Variants in SNRNP200 observed in about 807,000 individuals in gnomAD.
SNRNP200 encodes the protein U5 small nuclear ribonucleoprotein 200 kDa helicase.
Under a neutral mutation model 255.2 loss-of-function variants are expected in SNRNP200, and 66 were observed. The ratio of observed to expected loss-of-function variants is 0.26; its 90% confidence interval spans 0.21 to 0.32. SNRNP200 has a LOEUF of 0.32. SNRNP200 is among the 10% of genes least tolerant of loss of function. The pLI is 1.00. For synonymous variants in SNRNP200, 939 were observed against 1,027.8 expected (o/e 0.91, Z 1.65); for missense variants, 1,585 against 2,749.8 (o/e 0.58, Z 9.47).
At position 96,291,265 on chromosome 2, in the gene SNRNP200, C is replaced by T. The variant is rs555146691; in HGVS notation, c.2421+127G>A. On this transcript the variant is annotated intron_variant, in intron 18 of 44. Transcript: ENST00000323853. The surrounding 1 kb of genome is among the most constrained non-coding windows in gnomAD (Gnocchi z 4.2). ...GTTCTATTTATTGTGTCCACCACAA[C>T]CCTCTGACCTGGGCTAGCTGGGCCA... The T allele has an allele frequency of 7.9e-5, 61 of 770,712 alleles. No individual in the cohort carries two copies. In the East Asian group the frequency reaches 1.0e-3, roughly 13 times the overall value. 47.7% of individuals were successfully genotyped at this position (770,712 alleles called of 1,614,324 possible).
chr2:96,298,122 A>G (rs181214786), intron 9 of SNRNP200, among the ~76,000 whole-genome samples, 162 bp downstream of exon 9: 14 of 152,366 alleles, frequency 9.2e-5, no homozygotes, highest in Admixed American at 6.5e-4. Flanking sequence ...GACCAAACCA[A>G]TGTGGATGTG....
chr2:96,289,195 A>C, intron 22 of SNRNP200, 32 bp downstream of exon 22: 1 of 1,613,840 alleles, frequency 6.2e-7, no homozygotes, highest in African/African-American at 1.3e-5. Context: ...GTGAGCACCA[A>C]CTCCCCGCCC....
In SNRNP200 at chr2:96,277,441, T is replaced by G. The variant is rs1216694360; in HGVS notation, c.5931+98A>C. 2.0e-6 allele frequency: 3 copies of G among 1,469,666 alleles called. No homozygotes were observed. The East Asian group carries it at 6.8e-5, about 33-fold the overall frequency. 91.0% of individuals were successfully genotyped at this position (1,469,666 alleles called of 1,614,324 possible). A position where few individuals can be genotyped will look rare whatever the true frequency, so the allele number is the denominator to read the frequency against. Reference sequence around the variant, plus strand: ...CCTTCGGAGGAACCATAACTAAAAGTTTAACTTACTGAGACTCACCTCCCG... The same window carrying G: ...CCTTCGGAGGAACCATAACTAAAAGGTTAACTTACTGAGACTCACCTCCCG... On this transcript the variant is annotated intron_variant, in intron 41 of 44. Transcript: ENST00000323853. The surrounding 1 kb of genome is among the most constrained non-coding windows in gnomAD (Gnocchi z 4.4).
At position 96,290,825 on chromosome 2, in the gene SNRNP200, C is replaced by A. The variant is rs760188260; in HGVS notation, c.2422-10G>T. 2.6e-5 allele frequency: 42 copies of A among 1,613,948 alleles called. No individual in the cohort carries two copies. Among genetic ancestry groups the A allele is most frequent in the Non-Finnish European group, 3.5e-5 (41 of 1,179,984 alleles). On this transcript the variant is annotated splice_polypyrimidine_tract_variant and intron_variant, in intron 18 of 44. Transcript: ENST00000323853. This position sits in a 1 kb window ranked among gnomAD's most constrained non-coding sequence, Gnocchi z 4.5. The stretch of plus-strand genomic sequence containing the variant: ...CTGTGGAAACTAAAACCTACAGAGG[C>A]AAAACAAGGTAATGAGGAGAACAGA...
At position 96,284,591 on chromosome 2, in the gene SNRNP200, G is replaced by A. The variant is rs372471318; in HGVS notation, c.4165-6C>T. The A allele has an allele frequency of 1.3e-4, 205 of 1,601,438 alleles. No individual in the cohort carries two copies. In the African/African-American group the frequency reaches 1.9e-3, roughly 15 times the overall value. On this transcript the variant is annotated splice_region_variant and splice_polypyrimidine_tract_variant and intron_variant, in intron 30 of 44. Coordinates refer to ENST00000323853, the MANE Select transcript of SNRNP200 (RefSeq NM_014014.5). ...TCGTACCAGTCCATGTATACCTGGC[G>A]GGCAGAGGAGGGAGGCAGAACAACA... is the stretch of plus-strand genomic sequence containing the variant.
chr2:96,299,992 T>C (rs969915033), intron 5 of SNRNP200, among the ~76,000 whole-genome samples: 1 of 152,198 alleles, frequency 6.6e-6, no homozygotes, highest in Non-Finnish European at 1.5e-5. Flanking sequence ...AATCACCTAT[T>C]GAAATGGCCT....
chr2:96,295,420 G>T (rs766743536), intron 14 of SNRNP200, 68 bp downstream of exon 14: 12 of 1,582,514 alleles, frequency 7.6e-6, no homozygotes, highest in African/African-American at 1.3e-5. Context: ...GAAACATTTC[G>T]CATGAAAACC....
At position 96,301,780 on chromosome 2, in the gene SNRNP200, T is replaced by C. The variant is rs1050372021; in HGVS notation, c.382-64A>G. The C allele has an allele frequency of 5.1e-6, 8 of 1,576,966 alleles. No individual in the cohort carries two copies. In the East Asian group the frequency reaches 1.8e-4, roughly 35 times the overall value. ...GACAGGCAAAACATCTTCAACCAGG[T>C]GTATGTGGCGGCAGGATGTGAAGAG... On this transcript the variant is annotated intron_variant, in intron 3 of 44. Transcript: ENST00000323853.
chr2:96,284,727 C>A, intron 30 of SNRNP200, 142 bp from the exon 31 acceptor site: 1 of 683,480 alleles, frequency 1.5e-6, no homozygotes. Flanking sequence ...AGCCTCTATG[C>A]GATGCGATGG....
At chr2:96,275,375 T>G (rs1684637261) in intron 43 of SNRNP200, 26 bp from the exon 44 acceptor site, 9 of 1,605,292 alleles carry the variant, frequency 5.6e-6, no homozygotes, top group Non-Finnish European at 7.7e-6. Flanking sequence ...ACCAAGAATT[T>G]CAGCATGTAA....
At chr2:96,296,766 T>G in intron 12 of SNRNP200, 75 bp from the exon 13 acceptor site, 2 of 1,577,904 alleles carry the variant, frequency 1.3e-6, no homozygotes, top group African/African-American at 1.3e-5. Context: ...TGGGCTTATT[T>G]CCCAAATAGA....
intron 13 of SNRNP200, 74 bp from the exon 14 acceptor site, chr2:96,295,732 G>A: frequency 1.3e-6 from 2 of 1,510,700 alleles, no homozygotes; most frequent in Non-Finnish European, 1.8e-6. Context: ...TTGGGCAATT[G>A]GAGTGTAGGG....
Position 96,283,798 on chromosome 2 carries a change from G to A in SNRNP200, c.4584+15C>T. Reference sequence around the variant, plus strand: ...ATGTGACACCCCACAGACGGATGAGGAGAGTGGGTCCTACCTGGATGTGCA... The same window carrying A: ...ATGTGACACCCCACAGACGGATGAGAAGAGTGGGTCCTACCTGGATGTGCA... On this transcript the variant is annotated intron_variant, in intron 32 of 44. Transcript: ENST00000323853. This position sits in a 1 kb window ranked among gnomAD's most constrained non-coding sequence, Gnocchi z 4.7. 6.2e-7 allele frequency: 1 copy of A among 1,613,728 alleles called. No individual in the cohort carries two copies. The highest frequency in any genetic ancestry group is 1.7e-5 in the Admixed American group (1 of 59,952).
rs2104352392 is a variant in SNRNP200, at chr2:96,293,364, G to A, written c.1988C>T (p.Thr663Ile). 1 of 1,614,064 alleles carries A rather than the reference G, an allele frequency of 6.2e-7. No homozygotes were observed. Among genetic ancestry groups the A allele is most frequent in the East Asian group, 2.2e-5 (1 of 44,900 alleles). The change falls in exon 15 of 45, where the codon ACC becomes ATC. Residue 663 changes from threonine to isoleucine, a missense_variant. Transcript: ENST00000323853. ...ATLPNYEDVATFLRVDPAKGL... is the reference protein window; with the variant it reads ...ATLPNYEDVAIFLRVDPAKGL... ...CTTGGCAGGGTCAACACGTAGAAAG[G>A]TGGCTACATCTTCATAGTTGGGTAG...
At chr2:96,275,429 AAG>A (rs1238536339) in intron 43 of SNRNP200, 80 bp from the exon 44 acceptor site, 4 of 1,180,850 alleles carry the variant, frequency 3.4e-6, no homozygotes, top group Non-Finnish European at 3.8e-6. Context: ...ACAGTTACAA[AAG>A]AGAGAACAAA....
In SNRNP200 at chr2:96,274,977, A is replaced by C; in HGVS notation, c.*35T>G. On this transcript the variant is annotated 3_prime_UTR_variant, in exon 45 of 45. Transcript: ENST00000323853. ...ATGTACACATTCCTAATTCAGGCTC[A>C]ACTCTCCTTTACCCAAAAGTAAATG... is the stretch of plus-strand genomic sequence containing the variant. 6.2e-7 allele frequency: 1 copy of C among 1,611,968 alleles called. No individual in the cohort carries two copies. Among genetic ancestry groups the C allele is most frequent in the Non-Finnish European group, 8.5e-7 (1 of 1,179,272 alleles).
In SNRNP200 at chr2:96,274,701, C is replaced by CT. The variant is rs994411639; in HGVS notation, c.*310dup. Reference sequence around the variant, plus strand: ...GTGCCCTCAGGTTGGAGAAAGAAAACTTTTAATTTGGAATCACTACAAAGA... The same window carrying CT: ...GTGCCCTCAGGTTGGAGAAAGAAAACTTTTTAATTTGGAATCACTACAAAGA... On this transcript the variant is annotated 3_prime_UTR_variant, in exon 45 of 45. Coordinates refer to ENST00000323853, the MANE Select transcript of SNRNP200 (RefSeq NM_014014.5). 2 of 403,846 alleles carry CT rather than the reference C, an allele frequency of 5.0e-6. No homozygotes were observed. The highest frequency in any genetic ancestry group is 4.1e-5 in the African/African-American group (2 of 49,010). 25.0% of individuals were successfully genotyped at this position (403,846 alleles called of 1,614,324 possible). A position where few individuals can be genotyped will look rare whatever the true frequency, so the allele number is the denominator to read the frequency against.
chr2:96,282,044 C>A (rs1446229792), intron 34 of SNRNP200, 122 bp from the exon 35 acceptor site: 2 of 735,858 alleles, frequency 2.7e-6, no homozygotes, highest in African/African-American at 3.5e-5. Flanking sequence ...GCAAGGCTGG[C>A]TAGGAACAAG....
intron 24 of SNRNP200, among the ~76,000 whole-genome samples, chr2:96,288,448 T>C (rs1228149666): frequency 2.0e-5 from 3 of 152,152 alleles, no homozygotes; most frequent in Non-Finnish European, 4.4e-5. Context: ...CCTCGAAGCA[T>C]TCCCTCTTAA....
Sources: gnomAD v4.1 joint callset for allele counts (sites outside exome capture counted in the v4.1 genomes callset) on GRCh38, gnomAD v4.1.1 for gene constraint, Gnocchi (gnomAD v3.1) non-coding constraint, MANE v1.5 for transcripts, NCBI Gene and HGNC (gene_info 2026-07-23, HGNC 2026-07-21) for gene names.